The following KCNMA1 variants were observed in gnomAD, a reference collection of about 807,000 sequenced individuals.
KCNMA1 encodes Calcium-activated potassium channel subunit alpha-1.
KCNMA1 carries 29 observed loss-of-function variants against 140.0 expected under a neutral mutation model. The ratio of observed to expected loss-of-function variants is 0.21; its 90% CI spans 0.15 to 0.28. The LOEUF (loss-of-function observed/expected upper bound fraction) is 0.28. Ranked by LOEUF, KCNMA1 falls within the 10% of genes least tolerant of loss-of-function variation. The probability of loss-of-function intolerance (pLI) is 1.00; values close to 1 mark genes in which losing one functional copy is unlikely to be tolerated. For synonymous variants in KCNMA1, 612 were observed against 611.9 expected (o/e 1.00, Z 0.00); for missense variants, 880 against 1,602.2 (o/e 0.55, Z 7.70).
chr10:77,155,308 G>A (rs574834609), intron 5 of KCNMA1, among the ~76,000 whole-genome samples: 48 of 152,318 alleles, frequency 3.2e-4, no homozygotes, highest in South Asian at 8.3e-4. Flanking sequence ...TCTATAACAA[G>A]AGCAAACATT....
intron 1 of KCNMA1, among the ~76,000 whole-genome samples, chr10:77,600,723 G>A (rs2082348058): frequency 6.6e-6 from 1 of 151,648 alleles, no homozygotes; most frequent in Non-Finnish European, 1.5e-5. Context: ...CTGCAGCCTG[G>A]GTGACAGAGC....
chr10:77,481,590 C>T (rs1015591456), intron 1 of KCNMA1, among the ~76,000 whole-genome samples: 3 of 151,740 alleles, frequency 2.0e-5, no homozygotes, highest in Non-Finnish European at 2.9e-5. Flanking sequence ...CTGGTGAACA[C>T]AGTGAAAGCC....
At chr10:77,291,497 C>T (rs1216028041) in intron 2 of KCNMA1, among the ~76,000 whole-genome samples, 1 of 152,090 alleles carries the variant, frequency 6.6e-6, no homozygotes, top group East Asian at 1.9e-4. Flanking sequence ...TTTTTTTTAA[C>T]ACAGAAAACG....
At chr10:77,316,344 C>T (rs1475706269) in intron 2 of KCNMA1, among the ~76,000 whole-genome samples, 1 of 152,174 alleles carries the variant, frequency 6.6e-6, no homozygotes, top group Non-Finnish European at 1.5e-5. Context: ...GTAACGATGA[C>T]CTTGGAAATG....
chr10:77,344,122 C>A (rs1435194321), intron 2 of KCNMA1, among the ~76,000 whole-genome samples: 2 of 152,202 alleles, frequency 1.3e-5, no homozygotes. Context: ...TCATGTCCTG[C>A]CTAACAGTGG....
intron 2 of KCNMA1, among the ~76,000 whole-genome samples, chr10:77,378,704 G>A (rs1438386138): frequency 1.3e-5 from 2 of 152,174 alleles, no homozygotes; most frequent in East Asian, 3.8e-4. Context: ...AGGATGTTTA[G>A]ATGCCAAATA....
At chr10:77,566,192 T>A (rs951924459) in intron 1 of KCNMA1, among the ~76,000 whole-genome samples, 2 of 152,084 alleles carry the variant, frequency 1.3e-5, no homozygotes, top group African/African-American at 4.8e-5. Flanking sequence ...CCAACCCAAA[T>A]GAAATCCCAT....
intron 1 of KCNMA1, among the ~76,000 whole-genome samples, chr10:77,589,305 G>A (rs1290315684): frequency 1.3e-5 from 2 of 152,150 alleles, no homozygotes; most frequent in Non-Finnish European, 2.9e-5. Flanking sequence ...AGTTTTCTAG[G>A]TCTCAGTTAA....
At chr10:76,972,395 T>G (rs186538631) in intron 19 of KCNMA1, among the ~76,000 whole-genome samples, 28 of 152,314 alleles carry the variant, frequency 1.8e-4, no homozygotes, top group African/African-American at 6.7e-4. Flanking sequence ...GAAGTCATCC[T>G]CCCTAGCATG....
At chr10:77,256,989 A>T (rs2060912082) in intron 2 of KCNMA1, among the ~76,000 whole-genome samples, 1 of 152,122 alleles carries the variant, frequency 6.6e-6, no homozygotes, top group African/African-American at 2.4e-5. Context: ...TGTGCCTATA[A>T]TCCCAGCTAC....
chr10:77,562,245 T>C (rs1364525094), intron 1 of KCNMA1, among the ~76,000 whole-genome samples: 1 of 152,210 alleles, frequency 6.6e-6, no homozygotes, highest in Non-Finnish European at 1.5e-5. Flanking sequence ...GCTCAGCTGC[T>C]CAAAGTTCCA....
chr10:77,278,765 G>A (rs1437379470), intron 2 of KCNMA1, among the ~76,000 whole-genome samples: 1 of 152,178 alleles, frequency 6.6e-6, no homozygotes, highest in South Asian at 2.1e-4. Context: ...GGACAGTTGA[G>A]GGATAGCAAA....
intron 1 of KCNMA1, among the ~76,000 whole-genome samples, chr10:77,528,608 C>CA (rs376809211): frequency 0.12 from 11,215 of 91,738 alleles, 533 homozygotes; most frequent in Middle Eastern, 0.27. Flanking sequence ...GAGCCCATCT[C>CA]AAAAAAAAAA....
chr10:76,986,986 G>A (rs1419915654), intron 19 of KCNMA1, among the ~76,000 whole-genome samples: 1 of 151,588 alleles, frequency 6.6e-6, no homozygotes, highest in African/African-American at 2.4e-5. Context: ...GCTGTTGGCT[G>A]TTCAGAAACA....
intron 2 of KCNMA1, among the ~76,000 whole-genome samples, chr10:77,384,753 C>T (rs2095543020): frequency 6.6e-6 from 1 of 152,202 alleles, no homozygotes; most frequent in Non-Finnish European, 1.5e-5. Context: ...GCTACCTGCC[C>T]AAGCTGACTT....
At chr10:77,087,286 A>G (rs2096713342) in intron 10 of KCNMA1, among the ~76,000 whole-genome samples, 1 of 152,140 alleles carries the variant, frequency 6.6e-6, no homozygotes, top group African/African-American at 2.4e-5. Flanking sequence ...AGCCTCTGTA[A>G]TCAAATGAGC....
At chr10:77,415,709 ACTCTCCTCAGCAAAGG>A (rs1240540395) in intron 1 of KCNMA1, among the ~76,000 whole-genome samples, 1 of 152,162 alleles carries the variant, frequency 6.6e-6, no homozygotes, top group Non-Finnish European at 1.5e-5. Flanking sequence ...AAGGAGCCTC[ACTCTCCTCAGCAAAGG>A]CTCCTGCAGG....
chr10:77,588,280 G>A (rs1287660947), intron 1 of KCNMA1, among the ~76,000 whole-genome samples: 1 of 152,196 alleles, frequency 6.6e-6, no homozygotes, highest in Admixed American at 6.5e-5. Flanking sequence ...AAGGGGCAAG[G>A]TAGGAAGTTA....
chr10:77,076,762 A>G, intron 13 of KCNMA1, among the ~76,000 whole-genome samples: 1 of 152,252 alleles, frequency 6.6e-6, no homozygotes, highest in East Asian at 1.9e-4. Context: ...GTCTACAATT[A>G]TGATGATGAC....
Sources: gnomAD v4.1 joint callset for allele counts (sites outside exome capture counted in the v4.1 genomes callset) on GRCh38, gnomAD v4.1.1 for gene constraint, MANE v1.5 for transcripts, NCBI Gene and HGNC (gene_info 2026-07-23, HGNC 2026-07-21) for gene names.